Variants in PRIM2 observed in about 807,000 individuals in gnomAD.
The protein encoded by PRIM2 is DNA primase large subunit.
Under a neutral mutation model 67.3 loss-of-function variants are expected in PRIM2, and 39 were observed. That is an observed-to-expected ratio of 0.58 (90% CI 0.45 to 0.76). The LOEUF is 0.76. PRIM2 is among the 30% of genes least tolerant of loss of function. The pLI, the probability that PRIM2 is intolerant of heterozygous loss-of-function variation, is 0.00. For missense variants in PRIM2, 398 were observed against 598.7 expected (o/e 0.66, Z 3.50); for synonymous variants, 143 against 198.7 (o/e 0.72, Z 2.36).
chr6:57,270,568 T>G, the PRIM2 span, among the ~76,000 whole-genome samples: 1 of 152,346 alleles, frequency 6.6e-6, no homozygotes, highest in Admixed American at 6.5e-5. Context: ...TCATGTCATC[T>G]GCAAACAGGA....
intron 8 of PRIM2, among the ~76,000 whole-genome samples, chr6:57,515,639 C>T (rs1554348163): frequency 3.3e-5 from 5 of 152,162 alleles, no homozygotes; most frequent in East Asian, 1.9e-4. Flanking sequence ...AAAAATCACT[C>T]GTGTCATATG....
chr6:57,235,378 C>A, the PRIM2 span, among the ~76,000 whole-genome samples: 1 of 151,776 alleles, frequency 6.6e-6, no homozygotes, highest in South Asian at 2.1e-4. Flanking sequence ...GCAGGAGAAT[C>A]ACTTGAACCC....
intron 12 of PRIM2, among the ~76,000 whole-genome samples, chr6:57,621,845 C>G (rs1420124273): frequency 7.9e-5 from 12 of 152,208 alleles, no homozygotes; most frequent in Non-Finnish European, 1.8e-4. Context: ...AGGATTTACT[C>G]TAGCATTTCT....
At chr6:57,570,695 T>A (rs1167586263) in intron 10 of PRIM2, among the ~76,000 whole-genome samples, 1 of 152,278 alleles carries the variant, frequency 6.6e-6, no homozygotes, top group East Asian at 1.9e-4. Context: ...AATAAATAGC[T>A]ATTATTATGG....
At chr6:57,300,412 G>A in the PRIM2 span, among the ~76,000 whole-genome samples, 22 of 152,202 alleles carry the variant, frequency 1.4e-4, no homozygotes, top group East Asian at 3.7e-3. Context: ...GCTGTTCATT[G>A]CTGTCCTGTC....
the PRIM2 span, among the ~76,000 whole-genome samples, chr6:57,280,385 T>TC: frequency 6.8e-6 from 1 of 147,830 alleles, no homozygotes; most frequent in African/African-American, 2.5e-5. Context: ...TACTTTGTAT[T>TC]CTTTTTTTTT....
chr6:57,279,639 T>C, the PRIM2 span, among the ~76,000 whole-genome samples: 7,478 of 152,118 alleles, frequency 0.049, 383 homozygotes, highest in African/African-American at 0.13. Context: ...AAACAATGAT[T>C]ATAGTGAATG....
chr6:57,338,619 A>G (rs1473177178), intron 5 of PRIM2, among the ~76,000 whole-genome samples: 1 of 151,094 alleles, frequency 6.6e-6, no homozygotes, highest in Admixed American at 6.6e-5. Context: ...GATTATCTCA[A>G]TAGATGCAGA....
At chr6:57,398,179 C>T (rs1280215434) in intron 7 of PRIM2, among the ~76,000 whole-genome samples, 5 of 151,964 alleles carry the variant, frequency 3.3e-5, no homozygotes, top group African/African-American at 4.8e-5. Flanking sequence ...AGGATGGTCT[C>T]GATCTCTTGA....
chr6:57,288,688 C>T, the PRIM2 span, among the ~76,000 whole-genome samples: 4 of 152,270 alleles, frequency 2.6e-5, no homozygotes, highest in East Asian at 7.7e-4. Flanking sequence ...CAGAAAACTC[C>T]AACAGACCTG....
At chr6:57,231,237 C>G in the PRIM2 span, among the ~76,000 whole-genome samples, 2 of 152,144 alleles carry the variant, frequency 1.3e-5, no homozygotes, top group African/African-American at 4.8e-5. Flanking sequence ...AAAGACCATA[C>G]TTAAAAAAGT....
chr6:57,282,520 C>T, the PRIM2 span, among the ~76,000 whole-genome samples: 2 of 152,190 alleles, frequency 1.3e-5, no homozygotes, highest in Non-Finnish European at 2.9e-5. Context: ...AATTGTGTCT[C>T]CCTGCTCCCT....
rs1259437296 is a variant in PRIM2 at position 57,450,594 on chromosome 6, C to T, written c.694-56793C>T. On this transcript the variant is annotated intron_variant, in intron 7 of 13. Coordinates refer to ENST00000615550, the MANE Select transcript of PRIM2 (RefSeq NM_000947.5). ...TTCCCCTGTCATATGGCTAATTTAA[C>T]GTGTTAATATCTATTTGGGTTTTAG... Among the ~76,000 whole-genome samples, 68 of 152,314 alleles carry T rather than the reference C, an allele frequency of 4.5e-4. 2 individuals carry two copies. The highest frequency in any genetic ancestry group is 1.5e-3 in the African/African-American group (63 of 41,564).
chr6:57,227,341 T>C, the PRIM2 span, among the ~76,000 whole-genome samples: 1 of 152,176 alleles, frequency 6.6e-6, no homozygotes, highest in Non-Finnish European at 1.5e-5. Context: ...ATCCATTCCA[T>C]AATTTAAATT....
the PRIM2 span, among the ~76,000 whole-genome samples, chr6:57,231,875 A>G: frequency 6.6e-6 from 1 of 151,834 alleles, no homozygotes; most frequent in African/African-American, 2.4e-5. Flanking sequence ...AACCACTAGT[A>G]CAATGAACTT....
chr6:57,509,803 T>C (rs1774324581), intron 8 of PRIM2, among the ~76,000 whole-genome samples: 2 of 149,098 alleles, frequency 1.3e-5, no homozygotes. Flanking sequence ...ATTTTAAATG[T>C]ATTTAACATA....
At chr6:57,280,815 C>A in the PRIM2 span, among the ~76,000 whole-genome samples, 3 of 151,570 alleles carry the variant, frequency 2.0e-5, no homozygotes, top group African/African-American at 7.3e-5. Context: ...CATGTACTAT[C>A]TTTTTTTTTA....
intron 5 of PRIM2, among the ~76,000 whole-genome samples, chr6:57,329,463 T>A (rs1767980396): frequency 6.6e-6 from 1 of 152,170 alleles, no homozygotes; most frequent in African/African-American, 2.4e-5. Flanking sequence ...ATGGTTTGAT[T>A]GTGTCCCCAC....
intron 10 of PRIM2, among the ~76,000 whole-genome samples, chr6:57,573,884 C>A (rs1191749816): frequency 6.6e-6 from 1 of 152,110 alleles, no homozygotes; most frequent in East Asian, 1.9e-4. Flanking sequence ...AATTGAACTT[C>A]AGGACTTTTG....
Sources: allele counts gnomAD v4.1 joint callset (sites outside exome capture counted in the v4.1 genomes callset), GRCh38; gene constraint gnomAD v4.1.1; transcripts MANE v1.5; gene names NCBI Gene and HGNC (gene_info 2026-07-23, HGNC 2026-07-21).